Variants in WASHC3 observed in about 807,000 individuals in gnomAD.
The protein encoded by WASHC3 is WASH complex subunit 3, also known as WASH complex subunit CCDC53.
In WASHC3, 24 loss-of-function variants were observed where a neutral mutation model predicts 26.1. The ratio of observed to expected loss-of-function variants is 0.92; its 90% confidence interval spans 0.66 to 1.29. The LOEUF (loss-of-function observed/expected upper bound fraction) is 1.29, where lower values mean the gene tolerates loss of function less well. Among genes scored for constraint, WASHC3 ranks in the 50% most tolerant of loss-of-function variants. The probability of loss-of-function intolerance (pLI) is 0.00; values close to 1 mark genes in which losing one functional copy is unlikely to be tolerated. For missense variants in WASHC3, 214 were observed against 229.6 expected (o/e 0.93, Z 0.44); for synonymous variants, 77 against 75.7 (o/e 1.02, Z -0.09).
At chr12:102,061,388 G>A (rs1398094576) in intron 1 of WASHC3, 42 bp from the exon 2 acceptor site, 1 of 1,269,264 alleles carries the variant, frequency 7.9e-7, no homozygotes, top group Admixed American at 1.7e-5. Context: ...CAGGAGGAAC[G>A]TACACAGTGC....
intron 5 of WASHC3, among the ~76,000 whole-genome samples, chr12:102,034,981 C>T (rs1200349250): frequency 1.3e-5 from 2 of 152,102 alleles, no homozygotes; most frequent in Admixed American, 6.6e-5. Flanking sequence ...AATATATACA[C>T]ATATATGGAA....
At chr12:102,024,263 G>A (rs1222895493) in intron 6 of WASHC3, among the ~76,000 whole-genome samples, 2 of 152,334 alleles carry the variant, frequency 1.3e-5, no homozygotes, top group South Asian at 4.1e-4. Flanking sequence ...AGGCAGTGGA[G>A]AGTCACAGGA....
intron 4 of WASHC3, 21 bp downstream of exon 4, chr12:102,044,084 C>G (rs370467761): frequency 7.5e-7 from 1 of 1,327,912 alleles, no homozygotes. Context: ...AACATCTGCT[C>G]GTTTCTTAGA....
chr12:102,032,924 A>T (rs1243310385), intron 5 of WASHC3, among the ~76,000 whole-genome samples: 1 of 152,148 alleles, frequency 6.6e-6, no homozygotes, highest in Non-Finnish European at 1.5e-5. Context: ...TCCAGCAGTG[A>T]CAGAAAAAGG....
chr12:102,022,625 A>G (rs1473887285), intron 6 of WASHC3, among the ~76,000 whole-genome samples: 1 of 152,214 alleles, frequency 6.6e-6, no homozygotes, highest in Non-Finnish European at 1.5e-5. Context: ...CCTTATCCTG[A>G]GCCTTAACTA....
At chr12:102,017,896 CCAT>C (rs1876778849) in intron 6 of WASHC3, 3 of 316,592 alleles carry the variant, frequency 9.5e-6, no homozygotes, top group African/African-American at 4.5e-5. Context: ...TGTTGTACAA[CCAT>C]CATCACCATC....
At chr12:102,025,584 A>T (rs1350294204) in intron 6 of WASHC3, among the ~76,000 whole-genome samples, 14 of 151,370 alleles carry the variant, frequency 9.2e-5, no homozygotes, top group African/African-American at 3.4e-4. Context: ...ACATGAAATC[A>T]TCTACCCCCT....
intron 6 of WASHC3, chr12:102,019,496 T>C (rs562528779): frequency 4.6e-6 from 1 of 218,142 alleles, no homozygotes; most frequent in African/African-American, 2.3e-5. Flanking sequence ...ATTTGGAAAT[T>C]AGGACTTTAT....
At chr12:102,020,376 G>A (rs1338063138) in intron 6 of WASHC3, among the ~76,000 whole-genome samples, 1 of 152,160 alleles carries the variant, frequency 6.6e-6, no homozygotes, top group East Asian at 1.9e-4. Flanking sequence ...TCAGCTATGA[G>A]AGTCCATAAC....
intron 2 of WASHC3, among the ~76,000 whole-genome samples, chr12:102,047,969 C>T (rs1277159136): frequency 6.6e-6 from 1 of 152,106 alleles, no homozygotes; most frequent in East Asian, 1.9e-4. Flanking sequence ...TGAACTCAAA[C>T]CCTCCAACTC....
rs147510623 is a variant in WASHC3, at chr12:102,044,100, C to T, written c.324+5G>A. On this transcript the variant is annotated splice_donor_5th_base_variant and intron_variant, in intron 4 of 6. Transcript: ENST00000240079. The stretch of plus-strand genomic sequence containing the variant: ...ACATCTGCTCGTTTCTTAGAACTCA[C>T]TTACCTGTGGTTGCTCTGAAGTGGC... The T allele has an allele frequency of 1.5e-3, 2,280 of 1,529,536 alleles. 5 individuals are homozygous for T. The highest frequency in any genetic ancestry group is 1.6e-3 in the Non-Finnish European group (1,827 of 1,111,550). The allele number at this position is 1,529,536 out of a possible 1,614,324, so 94.7% of individuals were successfully genotyped here. A position where few individuals can be genotyped will look rare whatever the true frequency, so the allele number is the denominator to read the frequency against.
intron 5 of WASHC3, among the ~76,000 whole-genome samples, chr12:102,035,975 T>G (rs1030028612): frequency 2.0e-5 from 3 of 152,116 alleles, no homozygotes; most frequent in East Asian, 3.8e-4. Flanking sequence ...AATTTGGACA[T>G]GCAATAATAA....
At chr12:102,061,198 G>A in intron 2 of WASHC3, 50 bp downstream of exon 2, 1 of 1,211,738 alleles carries the variant, frequency 8.3e-7, no homozygotes, top group South Asian at 1.2e-5. Context: ...AGTCTCAGCA[G>A]TGAAAGGTGA....
intron 6 of WASHC3, among the ~76,000 whole-genome samples, chr12:102,025,037 T>C (rs901153776): frequency 3.3e-5 from 5 of 152,176 alleles, no homozygotes; most frequent in Non-Finnish European, 7.4e-5. Context: ...TTTAAAAGAA[T>C]TCATAAATTT....
chr12:102,025,685 G>GAAAAAAAAAAAA (rs771948063), intron 6 of WASHC3, among the ~76,000 whole-genome samples: 2 of 74,012 alleles, frequency 2.7e-5, no homozygotes, highest in Non-Finnish European at 2.8e-5. Context: ...GCACAAAAAG[G>GAAAAAAAAAAAA]AAAAAAAAAA....
At chr12:102,052,419 G>A (rs1255849082) in intron 2 of WASHC3, among the ~76,000 whole-genome samples, 1 of 151,950 alleles carries the variant, frequency 6.6e-6, no homozygotes, top group East Asian at 1.9e-4. Context: ...CCTGGCACTA[G>A]GCTGGATCAC....
chr12:102,015,821 G>A (rs1343185941), intron 6 of WASHC3, among the ~76,000 whole-genome samples: 1 of 152,182 alleles, frequency 6.6e-6, no homozygotes, highest in Non-Finnish European at 1.5e-5. Context: ...TGCATAGGAC[G>A]GTGGTCCCAT....
rs374659940 is a variant in WASHC3, at chr12:102,039,029, G to T, written c.435+839C>A. ...AGTACAGTGGCACAATCAGTGAGGT[G>T]AGCCACTGCACCCTTGAACTCTTGG... On this transcript the variant is annotated intron_variant, in intron 5 of 6. Coordinates refer to ENST00000240079, the MANE Select transcript of WASHC3 (RefSeq NM_016053.4). Among the ~76,000 whole-genome samples, 17 of 151,746 alleles carry T rather than the reference G, an allele frequency of 1.1e-4. 1 individual carries two copies. The highest frequency in any genetic ancestry group is 2.0e-4 in the Admixed American group (3 of 15,226).
At chr12:102,017,547 C>A (rs1876760036) in intron 6 of WASHC3, among the ~76,000 whole-genome samples, 1 of 152,088 alleles carries the variant, frequency 6.6e-6, no homozygotes, top group South Asian at 2.1e-4. Context: ...GATGGTGTAG[C>A]AGGCTGCATT....
Sources: allele counts gnomAD v4.1 joint callset (sites outside exome capture counted in the v4.1 genomes callset), GRCh38; gene constraint gnomAD v4.1.1; transcripts MANE v1.5; gene names NCBI Gene and HGNC (gene_info 2026-07-23, HGNC 2026-07-21).